MBTD1: variants seen among roughly 807,000 people sequenced by gnomAD.
MBTD1 encodes the protein MBT domain-containing protein 1.
MBTD1 carries 24 observed loss-of-function variants against 87.8 expected under a neutral mutation model. The observed-to-expected ratio is 0.27, with a 90% confidence interval of 0.20 to 0.38. The LOEUF (loss-of-function observed/expected upper bound fraction) is 0.38. Among genes scored for constraint, MBTD1 ranks in the 10% least tolerant of loss-of-function variants. MBTD1 has a pLI of 1.00. For missense variants in MBTD1, 436 were observed against 760.2 expected (o/e 0.57, Z 5.02); for synonymous variants, 237 against 248.6 (o/e 0.95, Z 0.44).
intron 3 of MBTD1, among the ~76,000 whole-genome samples, chr17:51,221,599 A>G (rs1214348908): frequency 1.3e-5 from 2 of 152,152 alleles, no homozygotes; most frequent in African/African-American, 4.8e-5. Flanking sequence ...TGGGTTCTGT[A>G]TCTGTGGATT....
intron 3 of MBTD1, among the ~76,000 whole-genome samples, chr17:51,221,148 AAG>A (rs1193712167): frequency 3.3e-5 from 5 of 152,088 alleles, no homozygotes; most frequent in African/African-American, 1.2e-4. Flanking sequence ...AAAAATAAAA[AAG>A]AGCCAGGCAT....
chr17:51,201,494 C>G, intron 12 of MBTD1, 98 bp downstream of exon 12: 1 of 693,726 alleles, frequency 1.4e-6, no homozygotes, highest in Middle Eastern at 3.5e-4. Flanking sequence ...TACACATACA[C>G]ATTTTATGTC....
chr17:51,208,027 G>A (rs2051950399), intron 6 of MBTD1, among the ~76,000 whole-genome samples: 1 of 152,162 alleles, frequency 6.6e-6, no homozygotes, highest in South Asian at 2.1e-4. Context: ...TCAAAGATGA[G>A]CAAAGATATC....
chr17:51,216,573 CTTGT>C (rs1398253965), intron 6 of MBTD1, among the ~76,000 whole-genome samples: 1 of 151,980 alleles, frequency 6.6e-6, no homozygotes, highest in Non-Finnish European at 1.5e-5. Flanking sequence ...CTAATAGTTC[CTTGT>C]TTTTGTGACT....
intron 2 of MBTD1, among the ~76,000 whole-genome samples, chr17:51,247,298 T>C (rs528817042): frequency 1.3e-5 from 2 of 152,282 alleles, no homozygotes; most frequent in African/African-American, 4.8e-5. Flanking sequence ...GTATTCCTGG[T>C]ATAAAACTCA....
intron 6 of MBTD1, among the ~76,000 whole-genome samples, 182 bp downstream of exon 6, chr17:51,217,152 T>C (rs1454009772): frequency 2.0e-5 from 3 of 152,206 alleles, no homozygotes; most frequent in Admixed American, 2.0e-4. Context: ...AGGAAACTTG[T>C]ACTTACAAAA....
intron 3 of MBTD1, 57 bp downstream of exon 3, chr17:51,224,951 T>G: frequency 1.7e-6 from 2 of 1,152,132 alleles, no homozygotes; most frequent in Non-Finnish European, 2.3e-6. Flanking sequence ...AGAAACCAAA[T>G]GAAAACACAC....
intron 6 of MBTD1, among the ~76,000 whole-genome samples, chr17:51,217,047 T>A (rs745787582): frequency 1.1e-4 from 16 of 151,984 alleles, no homozygotes; most frequent in Non-Finnish European, 2.2e-4. Flanking sequence ...CAAAAAAATT[T>A]AAAAAATAAA....
intron 3 of MBTD1, 134 bp from the exon 4 acceptor site, chr17:51,220,597 C>A (rs2052829059): frequency 1.4e-6 from 1 of 711,250 alleles, no homozygotes; most frequent in Non-Finnish European, 2.3e-6. Flanking sequence ...CTTCTATCTC[C>A]TATACAAATG....
intron 2 of MBTD1, among the ~76,000 whole-genome samples, chr17:51,229,827 A>G (rs557553795): frequency 1.3e-4 from 20 of 151,806 alleles, no homozygotes; most frequent in African/African-American, 4.8e-4. Flanking sequence ...CGCCCGGCTA[A>G]TTTTTTGTAT....
At chr17:51,195,408 T>C (rs745561130) in intron 12 of MBTD1, 47 bp from the exon 13 acceptor site, 8 of 1,443,880 alleles carry the variant, frequency 5.5e-6, no homozygotes, top group Non-Finnish European at 6.6e-6. Flanking sequence ...GATACCACTA[T>C]TATAAAAATA....
At chr17:51,233,618 G>C (rs970552122) in intron 2 of MBTD1, among the ~76,000 whole-genome samples, 2 of 151,774 alleles carry the variant, frequency 1.3e-5, no homozygotes, top group Non-Finnish European at 2.9e-5. Flanking sequence ...ATCCAATTAA[G>C]AGATATTCAA....
rs562238034 is a variant in MBTD1 at position 51,205,697 on chromosome 17, T to G, written c.604+1191A>C. On this transcript the variant is annotated intron_variant, in intron 7 of 16. Coordinates refer to ENST00000586178, the MANE Select transcript of MBTD1 (RefSeq NM_017643.3). ...CAACAGATCATTTATGCTGGAGAAC[T>G]ACAATACATCTGGCATGTGGTATAT... Among the ~76,000 whole-genome samples, 20 of 152,304 alleles carry G rather than the reference T, an allele frequency of 1.3e-4. No individual in the cohort carries two copies. In the East Asian group the frequency reaches 2.7e-3, roughly 21 times the overall value.
intron 16 of MBTD1, among the ~76,000 whole-genome samples, chr17:51,182,424 C>A (rs73351789): frequency 0.036 from 5,493 of 152,242 alleles, 341 homozygotes; most frequent in African/African-American, 0.12. Flanking sequence ...CCGCGCCTGG[C>A]CTCTTTATAC....
At chr17:51,228,043 T>C (rs573470681) in intron 2 of MBTD1, among the ~76,000 whole-genome samples, 2 of 152,264 alleles carry the variant, frequency 1.3e-5, no homozygotes, top group African/African-American at 4.8e-5. Context: ...TCTACATATA[T>C]ATTTATTCAG....
At chr17:51,215,051 T>A (rs1201639616) in intron 6 of MBTD1, among the ~76,000 whole-genome samples, 1 of 152,198 alleles carries the variant, frequency 6.6e-6, no homozygotes. Context: ...GAGCAAGCTC[T>A]TTGTACAAAA....
chr17:51,197,076 ATATATATATAT>A lies in MBTD1; in HGVS notation c.1225-1726_1225-1716del, dbSNP rs1417318369. 4.5e-3 allele frequency among the ~76,000 whole-genome samples: 50 copies of A among 11,104 alleles called. 3 individuals carry two copies. Among genetic ancestry groups the A allele is most frequent in the Admixed American group, 0.012 (14 of 1,130 alleles). The allele number at this position is 11,104 out of a possible 152,430, so 7.3% of individuals were successfully genotyped here. ...TATATATATATATATATATATATAT[ATATATATATAT>A]ATATATATATATATATATATATATA... is the stretch of plus-strand genomic sequence containing the variant. On this transcript the variant is annotated intron_variant, in intron 12 of 16. Transcript: ENST00000586178.
intron 2 of MBTD1, among the ~76,000 whole-genome samples, chr17:51,241,824 G>A (rs115638943): frequency 7.5e-4 from 114 of 152,120 alleles, no homozygotes; most frequent in African/African-American, 2.6e-3. Flanking sequence ...CCTTGGCTTC[G>A]CAAAGTGCTA....
At chr17:51,229,012 C>T (rs1381968303) in intron 2 of MBTD1, among the ~76,000 whole-genome samples, 4 of 147,958 alleles carry the variant, frequency 2.7e-5, no homozygotes, top group Admixed American at 6.7e-5. Context: ...AAACAAACAA[C>T]AGAAAAAAAA....
Sources: gnomAD v4.1 joint callset for allele counts (sites outside exome capture counted in the v4.1 genomes callset) on GRCh38, gnomAD v4.1.1 for gene constraint, MANE v1.5 for transcripts, NCBI Gene and HGNC (gene_info 2026-07-23, HGNC 2026-07-21) for gene names.